GRK4: variants seen among roughly 807,000 people sequenced by gnomAD.
GRK4 encodes the protein G protein-coupled receptor kinase 2-like.
In GRK4, 73 loss-of-function variants were observed where a neutral mutation model predicts 77.9. That is an observed-to-expected ratio of 0.94 (90% CI 0.78 to 1.14). The LOEUF (loss-of-function observed/expected upper bound fraction) is 1.14. GRK4 is among the 50% of genes most tolerant of loss of function. The pLI is 0.00. For missense variants in GRK4, 729 were observed against 700.2 expected, an observed-to-expected ratio of 1.04 and a Z score of -0.46; for synonymous variants, 257 against 254.4, an observed-to-expected ratio of 1.01 and a Z score of -0.10.
At position 3,027,072 on chromosome 4, in the gene GRK4, A is replaced by G. The variant is rs116208873; in HGVS notation, c.971-840A>G. Among the ~76,000 whole-genome samples, 1,312 of 152,246 alleles carry G rather than the reference A, an allele frequency of 8.6e-3. 18 individuals carry two copies. Among genetic ancestry groups the G allele is most frequent in the African/African-American group, 0.03 (1,243 of 41,544 alleles). ...GTATTTTCTTTATAATTTTTTTGAGACAGATTCTCACTCTTGCCCTGCAGT... is the reference window on the plus strand; with the variant it reads ...GTATTTTCTTTATAATTTTTTTGAGGCAGATTCTCACTCTTGCCCTGCAGT... On this transcript the variant is annotated intron_variant, in intron 10 of 15. Transcript: ENST00000398052.
chr4:3,001,142 G>GGCATATATGTGTATGTGTATATATAT (rs1729530960), intron 4 of GRK4, among the ~76,000 whole-genome samples: 3 of 109,446 alleles, frequency 2.7e-5, no homozygotes, highest in Admixed American at 8.9e-5. Context: ...TATATATATA[G>GGCATATATGTGTATGTGTATATATAT]GTATATATGT....
intron 2 of GRK4, 143 bp from the exon 3 acceptor site, chr4:2,988,584 A>G: frequency 3.6e-6 from 2 of 550,586 alleles, no homozygotes; most frequent in Admixed American, 2.8e-5. Context: ...ACAAACAACA[A>G]CAACAACAAC....
intron 15 of GRK4, among the ~76,000 whole-genome samples, chr4:3,039,762 T>A (rs1325340978): frequency 6.6e-6 from 1 of 150,952 alleles, no homozygotes; most frequent in Non-Finnish European, 1.5e-5. Context: ...CAAAGTGGCA[T>A]TTCCCATGGC....
chr4:3,034,984 G>A (rs1405949343), intron 12 of GRK4, among the ~76,000 whole-genome samples: 4 of 152,040 alleles, frequency 2.6e-5, no homozygotes, highest in Non-Finnish European at 4.4e-5. Context: ...GCAGCTGGGC[G>A]CGGTGGCTCA....
In GRK4 at chr4:2,988,818, C is replaced by T. The variant is rs759702586; in HGVS notation, c.240C>T (p.His80=). ...ATACCAAACCCACTCTAAAGAGGCA[C>T]ATTGAATTCTTGGATGCAGTGGTGA... The part of the protein sequence containing the change: ...FCDTKPTLKR[H]IEFLDAVAEY... Residue 80 remains histidine, a synonymous_variant, in exon 3 of 16, where the codon CAC becomes CAT. Coordinates refer to ENST00000398052, the MANE Select transcript of GRK4 (RefSeq NM_182982.3). The T allele has an allele frequency of 1.2e-6, 2 of 1,606,968 alleles. No homozygotes were observed. Among genetic ancestry groups the T allele is most frequent in the Non-Finnish European group, 1.7e-6 (2 of 1,173,518 alleles).
intron 8 of GRK4, among the ~76,000 whole-genome samples, chr4:3,014,501 A>G (rs1733887289): frequency 6.6e-6 from 1 of 151,522 alleles, no homozygotes; most frequent in Admixed American, 6.6e-5. Flanking sequence ...TTTTTTAGAG[A>G]TGAGATCTCT....
chr4:3,009,421 C>CAAAA (rs33988983), intron 6 of GRK4, among the ~76,000 whole-genome samples: 1 of 86,692 alleles, frequency 1.2e-5, no homozygotes, highest in Non-Finnish European at 2.3e-5. Context: ...GACTCCATCT[C>CAAAA]AAAAAAAAAA....
At chr4:2,979,403 CA>C (rs144374548) in intron 1 of GRK4, among the ~76,000 whole-genome samples, 857 of 59,194 alleles carry the variant, frequency 0.014, 6 homozygotes, top group African/African-American at 0.052. Flanking sequence ...GACTCTGTCT[CA>C]AAAAAAAAAA....
chr4:3,000,311 T>G (rs1729140765), intron 4 of GRK4, among the ~76,000 whole-genome samples: 1 of 152,196 alleles, frequency 6.6e-6, no homozygotes, highest in African/African-American at 2.4e-5. Context: ...ATATAAAAAT[T>G]TTCTATGATA....
intron 1 of GRK4, among the ~76,000 whole-genome samples, chr4:2,975,770 G>A (rs1056350983): frequency 1.3e-5 from 2 of 152,164 alleles, no homozygotes; most frequent in Non-Finnish European, 2.9e-5. Context: ...CTGGATCCAA[G>A]TTCTTCAGCA....
chr4:3,031,654 G>A (rs1473501889), intron 12 of GRK4, among the ~76,000 whole-genome samples: 1 of 152,178 alleles, frequency 6.6e-6, no homozygotes, highest in Non-Finnish European at 1.5e-5. Flanking sequence ...GTCCAAGTTG[G>A]GAGTCCATAC....
intron 3 of GRK4, among the ~76,000 whole-genome samples, chr4:2,990,228 ATTC>A (rs1413330936): frequency 2.5e-4 from 29 of 114,980 alleles, no homozygotes; most frequent in East Asian, 8.1e-4. Flanking sequence ...GAATAAGGTG[ATTC>A]TTCTTCTTCT....
chr4:3,012,718 T>C (rs893653545), intron 7 of GRK4, among the ~76,000 whole-genome samples: 2 of 152,130 alleles, frequency 1.3e-5, no homozygotes, highest in Non-Finnish European at 1.5e-5. Context: ...ATGTTGGAAA[T>C]TTTTCATGAC....
chr4:3,004,220 A>G lies in GRK4; in HGVS notation c.340-11A>G. 6.4e-7 allele frequency: 1 copy of G among 1,571,726 alleles called. No homozygotes were observed. The highest frequency in any genetic ancestry group is 8.8e-7 in the Non-Finnish European group (1 of 1,141,584). The stretch of plus-strand genomic sequence containing the variant: ...ACTAATGGTTATGTATTTGGTTTGT[A>G]CTGTATTAAGTTGGCAGCCCCTTTA... On this transcript the variant is annotated splice_polypyrimidine_tract_variant and intron_variant, in intron 4 of 15. Transcript: ENST00000398052.
intron 9 of GRK4, among the ~76,000 whole-genome samples, chr4:3,021,493 C>G (rs1182304874): frequency 6.6e-6 from 1 of 152,186 alleles, no homozygotes; most frequent in Non-Finnish European, 1.5e-5. Flanking sequence ...TCTTATATAT[C>G]CCACAGCCAA....
chr4:3,007,582 C>T (rs1731677256), intron 5 of GRK4, among the ~76,000 whole-genome samples, 154 bp from the exon 6 acceptor site: 2 of 152,194 alleles, frequency 1.3e-5, no homozygotes, highest in South Asian at 2.1e-4. Flanking sequence ...AGCGTTAGAA[C>T]CTAACGTGGA....
At chr4:3,039,719 G>GAA (rs898931654) in intron 15 of GRK4, among the ~76,000 whole-genome samples, 55 of 130,650 alleles carry the variant, frequency 4.2e-4, no homozygotes, top group Non-Finnish European at 7.4e-4. Flanking sequence ...AAAAAAAAAG[G>GAA]AAAAAAAAAT....
intron 1 of GRK4, among the ~76,000 whole-genome samples, chr4:2,974,042 G>A (rs1720391796): frequency 6.6e-6 from 1 of 152,048 alleles, no homozygotes; most frequent in Admixed American, 6.6e-5. Context: ...TGGAGACAGG[G>A]TCTCGCTATG....
intron 4 of GRK4, among the ~76,000 whole-genome samples, chr4:3,000,845 G>A (rs1408380223): frequency 6.6e-6 from 1 of 152,042 alleles, no homozygotes; most frequent in Non-Finnish European, 1.5e-5. Flanking sequence ...TGGGATTACA[G>A]GCGTGAGCCA....
Sources: allele counts gnomAD v4.1 joint callset (sites outside exome capture counted in the v4.1 genomes callset), GRCh38; gene constraint gnomAD v4.1.1; transcripts MANE v1.5; gene names NCBI Gene and HGNC (gene_info 2026-07-23, HGNC 2026-07-21).